The following TGM2 variants were observed in gnomAD, a reference collection of about 807,000 sequenced individuals.
The protein encoded by TGM2 is transglutaminase 2.
Under a neutral mutation model 75.6 loss-of-function variants are expected in TGM2, and 53 were observed. That is an observed-to-expected ratio of 0.70 (90% CI 0.56 to 0.88). TGM2 has a LOEUF of 0.88. Among genes scored for constraint, TGM2 ranks in the 40% least tolerant of loss-of-function variants. The pLI, the probability that TGM2 is intolerant of heterozygous loss-of-function variation, is 0.00. For synonymous variants in TGM2, 374 were observed against 381.1 expected (o/e 0.98, Z 0.22); for missense variants, 842 against 928.5 (o/e 0.91, Z 1.21).
rs45452592 is a variant in TGM2, at chr20:38,143,863, G to A, written c.860-1664C>T. Among the ~76,000 whole-genome samples, 373 of 152,310 alleles carry A rather than the reference G, an allele frequency of 2.4e-3. 3 individuals carry two copies. The highest frequency in any genetic ancestry group is 8.2e-3 in the Admixed American group (126 of 15,306). ...CGACCTTTGCCCTGGGGCCACCATC[G>A]ATAGGCCAGGGTAAGAGCTTACTGG... On this transcript the variant is annotated intron_variant, in intron 6 of 12. Transcript: ENST00000361475.
intron 9 of TGM2, 102 bp downstream of exon 9, chr20:38,139,310 G>C (rs1323501335): frequency 6.4e-7 from 1 of 1,564,778 alleles, no homozygotes; most frequent in East Asian, 2.3e-5. Flanking sequence ...CTGTACGTAG[G>C]CTACCAATTA....
chr20:38,165,822 G>T (rs140890618), upstream of TGM2, among the ~76,000 whole-genome samples: 4 of 151,516 alleles, frequency 2.6e-5, no homozygotes, highest in Non-Finnish European at 4.4e-5. Context: ...CACCAAACAC[G>T]GCTGGCCACG....
At chr20:38,135,905 G>A (rs766532884) in intron 10 of TGM2, among the ~76,000 whole-genome samples, 9 of 152,160 alleles carry the variant, frequency 5.9e-5, no homozygotes, top group Admixed American at 1.3e-4. Context: ...TCACGGCTGC[G>A]GGCGCATCAG....
At chr20:38,146,077 A>T (rs954991462) in intron 6 of TGM2, 1 of 156,512 alleles carries the variant, frequency 6.4e-6, no homozygotes, top group Non-Finnish European at 1.4e-5. Context: ...CATAAGCACC[A>T]TCATCAGCCT....
chr20:38,130,164 G>T lies in TGM2; in HGVS notation c.*55C>A. On this transcript the variant is annotated 3_prime_UTR_variant, in exon 13 of 13. Transcript: ENST00000361475. ...GGGGCATATTTTGCTCACTAGCTTG[G>T]GATAAGGATTGGGATCAAGGTGGGG... 2 of 1,608,644 alleles carry T rather than the reference G, an allele frequency of 1.2e-6. No homozygotes were observed. The highest frequency in any genetic ancestry group is 2.2e-5 in the South Asian group (2 of 89,536).
chr20:38,141,320 C>T lies in TGM2; in HGVS notation c.1061G>A (p.Trp354Ter). ...CTGGGGCGTTGGGTCCAGGGCCTGC[C>T]AGCCCTCGTACCCCGGCTGCAGGTC... is the stretch of plus-strand genomic sequence containing the variant. ...RPDLQPGYEG[W>*]QALDPTPQEK... Residue 354 changes from tryptophan to a stop codon, truncating the protein, a stop_gained, in exon 8 of 13, where the codon TGG becomes TAG. Coordinates refer to ENST00000361475, the MANE Select transcript of TGM2 (RefSeq NM_004613.4). LOFTEE classifies it high-confidence loss of function. The T allele has an allele frequency of 6.3e-7, 1 of 1,589,566 alleles. No individual in the cohort carries two copies. The highest frequency in any genetic ancestry group is 8.6e-7 in the Non-Finnish European group (1 of 1,167,996).
In TGM2 at chr20:38,132,773, G is replaced by A. The variant is rs141675546; in HGVS notation, c.1616-273C>T. 507 of 546,114 alleles carry A rather than the reference G, an allele frequency of 9.3e-4. 3 individuals carry two copies. Among genetic ancestry groups the A allele is most frequent in the Admixed American group, 1.9e-3 (85 of 45,004 alleles). 33.8% of individuals were successfully genotyped at this position (546,114 alleles called of 1,614,324 possible). On this transcript the variant is annotated intron_variant, in intron 10 of 12. Coordinates refer to ENST00000361475, the MANE Select transcript of TGM2 (RefSeq NM_004613.4). The stretch of plus-strand genomic sequence containing the variant: ...TGCCTCTTCTAATGGGTGACCCCGC[G>A]TGAGCCACTCCACCTCCCAGGTCCT...
upstream of TGM2, among the ~76,000 whole-genome samples, chr20:38,165,780 C>T (rs1289947224): frequency 6.6e-6 from 1 of 151,786 alleles, no homozygotes; most frequent in African/African-American, 2.4e-5. Flanking sequence ...TGTGGAGATA[C>T]ACACACAAAC....
chr20:38,136,167 C>T (rs1487785388), intron 10 of TGM2, among the ~76,000 whole-genome samples: 1 of 152,178 alleles, frequency 6.6e-6, no homozygotes, highest in Admixed American at 6.5e-5. Flanking sequence ...GTGCCCAGGG[C>T]GTGCAGCTCC....
In TGM2 at chr20:38,130,297, G is replaced by T. The variant is rs202020760; in HGVS notation, c.1986C>A (p.His662Gln). The change falls in exon 13 of 13, where the codon CAC becomes CAA. Residue 662 changes from histidine to glutamine, a missense_variant. By Grantham distance (24) the His-to-Gln change is conservative (BLOSUM62 0). Coordinates refer to ENST00000361475, the MANE Select transcript of TGM2 (RefSeq NM_004613.4). ...CGCTCTCGAAGTTCACCACCAGCTT[G>T]TGGAGGCCCATGTGGAGCGGCAGCA... Reference protein sequence around the residue: ...MDLLPLHMGLHKLVVNFESDK... With the variant: ...MDLLPLHMGLQKLVVNFESDK... 1.2e-6 allele frequency: 2 copies of T among 1,612,534 alleles called. No homozygotes were observed. The highest frequency in any genetic ancestry group is 2.7e-5 in the African/African-American group (2 of 75,048).
At chr20:38,134,706 CAT>C (rs1219378650) in intron 10 of TGM2, among the ~76,000 whole-genome samples, 2 of 151,994 alleles carry the variant, frequency 1.3e-5, no homozygotes, top group African/African-American at 2.4e-5. Flanking sequence ...GAGGAGAGAG[CAT>C]GAAAGGGTGG....
intron 5 of TGM2, among the ~76,000 whole-genome samples, 168 bp from the exon 6 acceptor site, chr20:38,147,062 T>C (rs919575783): frequency 6.8e-6 from 1 of 147,978 alleles, no homozygotes; most frequent in African/African-American, 2.5e-5. Context: ...GTGCGGCAGA[T>C]GGTGGGGGCT....
chr20:38,159,750 T>C lies in TGM2; in HGVS notation c.190+1670A>G, dbSNP rs958599915. On this transcript the variant is annotated intron_variant, in intron 2 of 12. Transcript: ENST00000361475. ...TGACTCACTGTGTGACTGACCTTCC[T>C]GAGCCAGTGACTTGACCTTTCTGAG... 2.6e-5 allele frequency among the ~76,000 whole-genome samples: 4 copies of C among 152,202 alleles called. No individual in the cohort carries two copies. The South Asian group carries it at 6.2e-4, about 24-fold the overall frequency.
intron 8 of TGM2, among the ~76,000 whole-genome samples, chr20:38,140,001 T>C (rs989299633): frequency 6.6e-6 from 1 of 152,264 alleles, no homozygotes; most frequent in African/African-American, 2.4e-5. Context: ...CTAAATGCTA[T>C]GCAAGTATTT....
chr20:38,144,308 T>C (rs1255738353), intron 6 of TGM2, among the ~76,000 whole-genome samples: 5 of 152,144 alleles, frequency 3.3e-5, no homozygotes, highest in African/African-American at 4.8e-5. Flanking sequence ...AAGCTAATAA[T>C]AGCAGCTTGT....
At chr20:38,162,156 T>C (rs891785758) in intron 1 of TGM2, among the ~76,000 whole-genome samples, 9 of 152,222 alleles carry the variant, frequency 5.9e-5, no homozygotes, top group Non-Finnish European at 1.3e-4. Flanking sequence ...CCTGTGGCAC[T>C]TCCTAGCTGT....
intron 11 of TGM2, 37 bp from the exon 12 acceptor site, chr20:38,131,266 G>T: frequency 6.2e-7 from 1 of 1,612,532 alleles, no homozygotes. Flanking sequence ...AAGGGCAGGT[G>T]GGATCCAGGC....
At chr20:38,156,153 C>A (rs1410044312) in intron 2 of TGM2, 64 bp from the exon 3 acceptor site, 3 of 1,570,288 alleles carry the variant, frequency 1.9e-6, no homozygotes, top group Non-Finnish European at 2.6e-6. Flanking sequence ...AGGGCACCTA[C>A]GTGGGGTCCC....
rs1442595704 is a variant in TGM2, at chr20:38,139,554, G to A, written c.1200C>T (p.Asp400=). Reference sequence around the variant, plus strand: ...CGTCCTGCTGGATCCAGTCTACCACGTCGGCATTGACCTCCGCAAAGACAA... The same window carrying A: ...CGTCCTGCTGGATCCAGTCTACCACATCGGCATTGACCTCCGCAAAGACAA... ...APFVFAEVNA[D]VVDWIQQDDG... The change falls in exon 9 of 13, where the codon GAC becomes GAT. Residue 400 remains aspartate, a synonymous_variant. Coordinates refer to ENST00000361475, the MANE Select transcript of TGM2 (RefSeq NM_004613.4). 5.6e-6 allele frequency: 9 copies of A among 1,614,030 alleles called. No individual in the cohort carries two copies. The highest frequency in any genetic ancestry group is 4.5e-5 in the East Asian group (2 of 44,896).
Sources: gnomAD v4.1 joint callset for allele counts (sites outside exome capture counted in the v4.1 genomes callset) on GRCh38, gnomAD v4.1.1 for gene constraint, MANE v1.5 for transcripts, NCBI Gene and HGNC (gene_info 2026-07-23, HGNC 2026-07-21) for gene names.